The following CSMD1 variants were observed in gnomAD, a reference collection of about 807,000 sequenced individuals.
CSMD1 encodes the protein CUB and Sushi multiple domains 1.
CSMD1 carries 213 observed loss-of-function variants against 417.5 expected under a neutral mutation model. The observed-to-expected ratio is 0.51, with a 90% confidence interval of 0.46 to 0.57. CSMD1 has a LOEUF of 0.57. Ranked by LOEUF, CSMD1 falls within the 20% of genes least tolerant of loss-of-function variation. The probability of loss-of-function intolerance (pLI) is 0.00; values close to 1 mark genes in which losing one functional copy is unlikely to be tolerated. For synonymous variants in CSMD1, 2,862 were observed against 1,736.8 expected (o/e 1.65, Z -16.11); for missense variants, 6,923 against 4,529.7 (o/e 1.53, Z -15.17).
intron 11 of CSMD1, among the ~76,000 whole-genome samples, chr8:3,480,981 C>A (rs1439095020): frequency 2.0e-5 from 3 of 151,206 alleles, no homozygotes; most frequent in East Asian, 1.9e-4. Context: ...ATAGTGAAAC[C>A]CTGTCTGAAC....
At chr8:4,861,505 T>G (rs13263141) in intron 1 of CSMD1, among the ~76,000 whole-genome samples, 41,724 of 151,996 alleles carry the variant, frequency 0.27, 6,705 homozygotes, top group Non-Finnish European at 0.37. Context: ...GTCTGCGATT[T>G]AGTGTCAAGT....
chr8:4,387,188 G>T (rs1170185462), intron 3 of CSMD1, among the ~76,000 whole-genome samples: 4 of 152,166 alleles, frequency 2.6e-5, no homozygotes, highest in Non-Finnish European at 4.4e-5. Flanking sequence ...TTGTGGCTAG[G>T]AGGTATCTGA....
Position 4,994,726 on chromosome 8 carries a change from G to C in CSMD1, c.-310C>G, listed in dbSNP as rs976981987. 5 of 341,112 alleles carry C rather than the reference G, an allele frequency of 1.5e-5. No homozygotes were observed. The highest frequency in any genetic ancestry group is 2.7e-5 in the Non-Finnish European group (5 of 187,018). The allele number at this position is 341,112 out of a possible 1,614,324, so 21.1% of individuals were successfully genotyped here. On this transcript the variant is annotated 5_prime_UTR_variant, in exon 1 of 70. Coordinates refer to ENST00000635120, the MANE Select transcript of CSMD1 (RefSeq NM_033225.6). ...GCACCAAGGCGGCGAGGCTGCGGGA[G>C]GGGGAGAAGCGGGGAGAGGAGCGCG...
chr8:3,384,478 A>G (rs1006982592), intron 18 of CSMD1, among the ~76,000 whole-genome samples: 1 of 151,362 alleles, frequency 6.6e-6, no homozygotes, highest in Non-Finnish European at 1.5e-5. Flanking sequence ...GTGTATTTCC[A>G]TACCAATTCC....
intron 2 of CSMD1, among the ~76,000 whole-genome samples, chr8:4,622,369 G>A (rs377105594): frequency 3.3e-5 from 5 of 152,078 alleles, no homozygotes; most frequent in East Asian, 1.9e-4. Context: ...AGTCCAGCAC[G>A]AGTGCCAGCT....
chr8:4,879,737 T>C (rs949767183), intron 1 of CSMD1, among the ~76,000 whole-genome samples: 2 of 152,042 alleles, frequency 1.3e-5, no homozygotes, highest in African/African-American at 4.8e-5. Flanking sequence ...GATTGGGACT[T>C]TCATAATGTT....
chr8:4,008,845 C>T (rs1232498163), intron 4 of CSMD1, among the ~76,000 whole-genome samples: 1 of 151,864 alleles, frequency 6.6e-6, no homozygotes, highest in Non-Finnish European at 1.5e-5. Context: ...CTCCTGACCT[C>T]CTGATCCGTC....
intron 3 of CSMD1, among the ~76,000 whole-genome samples, chr8:4,086,717 G>C (rs936255125): frequency 6.6e-6 from 1 of 152,216 alleles, no homozygotes. Flanking sequence ...CAGGTAGATA[G>C]ATGACATTGA....
intron 7 of CSMD1, among the ~76,000 whole-genome samples, chr8:3,697,579 T>C (rs191037803): frequency 1.3e-5 from 2 of 152,212 alleles, no homozygotes; most frequent in Non-Finnish European, 2.9e-5. Context: ...GTAAGATGAT[T>C]TTATTACAAG....
At chr8:4,263,861 T>A (rs1009827171) in intron 3 of CSMD1, among the ~76,000 whole-genome samples, 4 of 152,198 alleles carry the variant, frequency 2.6e-5, no homozygotes, top group African/African-American at 9.6e-5. Flanking sequence ...TTAACTTATT[T>A]GTGTTTTGAC....
intron 1 of CSMD1, among the ~76,000 whole-genome samples, chr8:4,814,067 C>A (rs937181942): frequency 6.6e-6 from 1 of 152,148 alleles, no homozygotes; most frequent in Non-Finnish European, 1.5e-5. Flanking sequence ...ATGGCAATAA[C>A]CTTTAAAAAA....
chr8:4,839,451 G>A (rs1019685142), intron 1 of CSMD1, among the ~76,000 whole-genome samples: 1 of 152,134 alleles, frequency 6.6e-6, no homozygotes, highest in Non-Finnish European at 1.5e-5. Context: ...AAAGTTGCTA[G>A]ACATTTAGAA....
intron 3 of CSMD1, among the ~76,000 whole-genome samples, chr8:4,035,292 T>G (rs890513712): frequency 6.6e-6 from 1 of 152,180 alleles, no homozygotes; most frequent in Non-Finnish European, 1.5e-5. Context: ...ACAATTAGGT[T>G]CACTGCATAT....
chr8:3,829,142 C>G (rs548479316), intron 5 of CSMD1, among the ~76,000 whole-genome samples: 5 of 152,152 alleles, frequency 3.3e-5, no homozygotes, highest in South Asian at 2.1e-4. Context: ...AAGCAGTGTA[C>G]ACTGCACTCT....
At chr8:3,549,699 G>A (rs942018892) in intron 10 of CSMD1, among the ~76,000 whole-genome samples, 3 of 152,158 alleles carry the variant, frequency 2.0e-5, no homozygotes, top group Non-Finnish European at 4.4e-5. Flanking sequence ...GACGCCGTGT[G>A]CTGCCTTGGG....
intron 2 of CSMD1, among the ~76,000 whole-genome samples, chr8:4,442,125 T>A (rs985615640): frequency 2.0e-5 from 3 of 152,138 alleles, no homozygotes; most frequent in Admixed American, 6.5e-5. Context: ...CCCACTCTTA[T>A]CTCCTGTCCT....
rs1488066687 is a variant in CSMD1 at position 4,950,538 on chromosome 8, T to A, written c.85+43794A>T. 3.3e-5 allele frequency among the ~76,000 whole-genome samples: 5 copies of A among 152,338 alleles called. No individual in the cohort carries two copies. The East Asian group carries it at 7.7e-4, about 24-fold the overall frequency. On this transcript the variant is annotated intron_variant, in intron 1 of 69. Coordinates refer to ENST00000635120, the MANE Select transcript of CSMD1 (RefSeq NM_033225.6). ...CTACTTTATTCATAAAAAAGTAAGT[T>A]GTTTTTAGTAAAGCAACTAACTTTT... is the stretch of plus-strand genomic sequence containing the variant.
Position 4,736,242 on chromosome 8 carries a change from G to A in CSMD1, c.86-98684C>T, listed in dbSNP as rs140332804. The stretch of plus-strand genomic sequence containing the variant: ...TGCTGTAAAAAATTTAAAAAGAGAC[G>A]TAAAAGTTCTCACACTTTTTATTTT... On this transcript the variant is annotated intron_variant, in intron 1 of 69. Coordinates refer to ENST00000635120, the MANE Select transcript of CSMD1 (RefSeq NM_033225.6). Among the ~76,000 whole-genome samples the A allele has an allele frequency of 3.0e-4, 46 of 152,186 alleles. No individual in the cohort carries two copies. In the East Asian group the frequency reaches 5.0e-3, roughly 17 times the overall value.
intron 5 of CSMD1, among the ~76,000 whole-genome samples, chr8:3,904,522 C>T (rs1006150920): frequency 1.6e-4 from 25 of 152,134 alleles, no homozygotes; most frequent in African/African-American, 6.0e-4. Flanking sequence ...TTCTAAGAAA[C>T]TGACAGGTGA....
Sources: allele counts gnomAD v4.1 joint callset (sites outside exome capture counted in the v4.1 genomes callset), GRCh38; gene constraint gnomAD v4.1.1; transcripts MANE v1.5; gene names NCBI Gene and HGNC (gene_info 2026-07-23, HGNC 2026-07-21).